Variants in ELOVL6 observed in about 807,000 individuals in gnomAD.
ELOVL6 encodes very long chain fatty acid elongase 6.
Under a neutral mutation model 31.7 loss-of-function variants are expected in ELOVL6, and 8 were observed. The ratio of observed to expected loss-of-function variants is 0.25; its 90% CI spans 0.15 to 0.45. ELOVL6 has a LOEUF of 0.45. Among genes scored for constraint, ELOVL6 ranks in the 20% least tolerant of loss-of-function variants. The probability of loss-of-function intolerance (pLI) is 1.00; values close to 1 mark genes in which losing one functional copy is unlikely to be tolerated. For missense variants in ELOVL6, 126 were observed against 326.4 expected, an observed-to-expected ratio of 0.39 and a Z score of 4.73; for synonymous variants, 101 against 117.7, an observed-to-expected ratio of 0.86 and a Z score of 0.92.
chr4:110,144,866 G>C (rs1331185770), intron 1 of ELOVL6, among the ~76,000 whole-genome samples: 1 of 152,188 alleles, frequency 6.6e-6, no homozygotes, highest in Non-Finnish European at 1.5e-5. Flanking sequence ...CACTTCAAAA[G>C]ATGGAATTTT....
At chr4:110,128,012 G>C (rs1251312263) in intron 1 of ELOVL6, among the ~76,000 whole-genome samples, 1 of 151,470 alleles carries the variant, frequency 6.6e-6, no homozygotes, top group Non-Finnish European at 1.5e-5. Flanking sequence ...GTTCAAGACT[G>C]GCCTGGGCTA....
chr4:110,157,975 A>G (rs1285159324), intron 1 of ELOVL6, among the ~76,000 whole-genome samples: 1 of 152,246 alleles, frequency 6.6e-6, no homozygotes, highest in African/African-American at 2.4e-5. Context: ...ATACATTTAA[A>G]TAATCATTAA....
intron 2 of ELOVL6, among the ~76,000 whole-genome samples, chr4:110,063,004 T>C (rs1755189743): frequency 2.0e-5 from 3 of 152,158 alleles, no homozygotes; most frequent in Admixed American, 1.3e-4. Context: ...ACAGTTTTCA[T>C]TATATTACTC....
chr4:110,171,538 T>C (rs1456520755), intron 1 of ELOVL6, among the ~76,000 whole-genome samples: 1 of 151,886 alleles, frequency 6.6e-6, no homozygotes, highest in Non-Finnish European at 1.5e-5. Flanking sequence ...AAGCTCAAGA[T>C]TGGGTTTGGA....
chr4:110,084,551 C>CAGATATATATTTTT (rs1163599448), intron 2 of ELOVL6, among the ~76,000 whole-genome samples: 7 of 64,696 alleles, frequency 1.1e-4, no homozygotes, highest in East Asian at 5.3e-4. Context: ...CACACACACA[C>CAGATATATATTTTT]ACACACACAC....
At chr4:110,112,709 C>A (rs1757069147) in intron 1 of ELOVL6, among the ~76,000 whole-genome samples, 1 of 151,468 alleles carries the variant, frequency 6.6e-6, no homozygotes, top group African/African-American at 2.4e-5. Flanking sequence ...CCCCTCTCTA[C>A]TAAAAAAACA....
At chr4:110,066,547 G>A (rs1366002058) in intron 2 of ELOVL6, among the ~76,000 whole-genome samples, 1 of 147,642 alleles carries the variant, frequency 6.8e-6, no homozygotes, top group Non-Finnish European at 1.5e-5. Context: ...GCTGAGACAG[G>A]AGAATCACGT....
At chr4:110,181,646 A>G (rs1212224067) in intron 1 of ELOVL6, among the ~76,000 whole-genome samples, 1 of 152,144 alleles carries the variant, frequency 6.6e-6, no homozygotes, top group African/African-American at 2.4e-5. Context: ...GAGAGGAGAG[A>G]AAATAAAATA....
chr4:110,136,192 CA>C (rs1306843650), intron 1 of ELOVL6, among the ~76,000 whole-genome samples: 1 of 152,130 alleles, frequency 6.6e-6, no homozygotes, highest in Non-Finnish European at 1.5e-5. Flanking sequence ...CACTTTTTGA[CA>C]TATCATGAGT....
intron 2 of ELOVL6, among the ~76,000 whole-genome samples, chr4:110,084,417 GATATATCAC>G (rs1371658190): frequency 4.1e-3 from 41 of 10,108 alleles, no homozygotes; most frequent in African/African-American, 0.014. Context: ...TGACATACAT[GATATATCAC>G]ATATATCATA....
At chr4:110,198,780 G>A (rs1333058524), upstream of ELOVL6, 1 of 161,278 alleles carries the variant, frequency 6.2e-6, no homozygotes, top group African/African-American at 2.4e-5. Context: ...TTGGAAGAGT[G>A]GGGGAAGGGC....
At position 110,198,443 on chromosome 4, in the gene ELOVL6, A is replaced by G; in HGVS notation, c.-108T>C. 1 of 645,958 alleles carries G rather than the reference A, an allele frequency of 1.5e-6. No individual in the cohort carries two copies. Among genetic ancestry groups the G allele is most frequent in the South Asian group, 1.7e-5 (1 of 58,118 alleles). 40.0% of individuals were successfully genotyped at this position (645,958 alleles called of 1,614,324 possible). A position where few individuals can be genotyped will look rare whatever the true frequency, so the allele number is the denominator to read the frequency against. ...GTCTGCTTCCCCCACCCACCCCCCT[A>G]GGTCTTCCCCACGCCGCTCGGTCTC... is the stretch of plus-strand genomic sequence containing the variant. On this transcript the variant is annotated 5_prime_UTR_variant, in exon 1 of 4. Transcript: ENST00000302274.
At chr4:110,156,780 A>G (rs950710657) in intron 1 of ELOVL6, among the ~76,000 whole-genome samples, 2 of 152,226 alleles carry the variant, frequency 1.3e-5, no homozygotes, top group Non-Finnish European at 2.9e-5. Context: ...TTCTTTAAGC[A>G]GTTAGTTTTA....
intron 2 of ELOVL6, among the ~76,000 whole-genome samples, chr4:110,084,580 ATATATATATTTTTTTTTT>A (rs1413401879): frequency 5.4e-5 from 3 of 55,346 alleles, no homozygotes; most frequent in African/African-American, 1.4e-4. Flanking sequence ...ATATATATAT[ATATATATATTTTTTTTTT>A]TTTTTTTTTT....
intron 1 of ELOVL6, among the ~76,000 whole-genome samples, chr4:110,142,107 G>A (rs1316750792): frequency 8.6e-6 from 1 of 116,798 alleles, no homozygotes; most frequent in African/African-American, 3.4e-5. Flanking sequence ...GTCTCGCTGT[G>A]TCACCCAGGC....
chr4:110,129,628 G>A (rs1282947486), intron 1 of ELOVL6, among the ~76,000 whole-genome samples: 2 of 152,228 alleles, frequency 1.3e-5, no homozygotes, highest in African/African-American at 4.8e-5. Context: ...TCCCTTTGGA[G>A]TTTTATTCCT....
intron 2 of ELOVL6, among the ~76,000 whole-genome samples, chr4:110,061,526 G>A (rs973403797): frequency 5.0e-5 from 6 of 119,536 alleles, no homozygotes; most frequent in African/African-American, 1.9e-4. Flanking sequence ...TTTGTGTACT[G>A]TCTTTCCCTC....
intron 2 of ELOVL6, chr4:110,092,975 T>A: frequency 3.4e-6 from 1 of 294,512 alleles, no homozygotes; most frequent in South Asian, 3.1e-5. Context: ...CTAAGTATAT[T>A]ACATCCTAAA....
chr4:110,197,074 G>T (rs1759825776), intron 1 of ELOVL6, among the ~76,000 whole-genome samples: 1 of 152,228 alleles, frequency 6.6e-6, no homozygotes, highest in African/African-American at 2.4e-5. Flanking sequence ...CAGGCGGGAG[G>T]GCGCGGGGCA....
Sources: allele counts gnomAD v4.1 joint callset (sites outside exome capture counted in the v4.1 genomes callset), GRCh38; gene constraint gnomAD v4.1.1; transcripts MANE v1.5; gene names NCBI Gene and HGNC (gene_info 2026-07-23, HGNC 2026-07-21).